Variants in PEMT observed in about 807,000 individuals in gnomAD.
PEMT encodes phosphatidylethanolamine N-methyltransferase.
In PEMT, 23 loss-of-function variants were observed where a neutral mutation model predicts 27.4. The ratio of observed to expected loss-of-function variants is 0.84; its 90% confidence interval spans 0.60 to 1.19. The LOEUF (loss-of-function observed/expected upper bound fraction) is 1.19. Ranked by LOEUF, PEMT falls within the 50% of genes most tolerant of loss-of-function variation. PEMT has a pLI of 0.00. For synonymous variants in PEMT, 137 were observed against 139.1 expected (o/e 0.98, Z 0.11); for missense variants, 307 against 310.1 (o/e 0.99, Z 0.07).
At chr17:17,573,066 G>A (rs12936632) in intron 2 of PEMT, among the ~76,000 whole-genome samples, 57,185 of 152,076 alleles carry the variant, frequency 0.38, 11,334 homozygotes, top group Middle Eastern at 0.47. Flanking sequence ...GTGCATGCCT[G>A]TAATCCCAGC....
intron 2 of PEMT, 83 bp from the exon 3 acceptor site, chr17:17,522,478 C>T: frequency 1.2e-6 from 1 of 861,510 alleles, no homozygotes; most frequent in Non-Finnish European, 1.9e-6. Flanking sequence ...CCTCTCTCTG[C>T]TTCCCAGGCT....
intron 3 of PEMT, among the ~76,000 whole-genome samples, chr17:17,515,344 T>C (rs759001612): frequency 6.6e-6 from 1 of 152,180 alleles, no homozygotes; most frequent in Non-Finnish European, 1.5e-5. Context: ...TGGAAGCAGA[T>C]TCCTGATGAA....
At chr17:17,524,831 T>C (rs747298422) in intron 2 of PEMT, among the ~76,000 whole-genome samples, 2 of 152,124 alleles carry the variant, frequency 1.3e-5, no homozygotes, top group Non-Finnish European at 2.9e-5. Context: ...CCTTTCCAGC[T>C]GGGCGTGGTG....
In PEMT at chr17:17,591,597, C is replaced by T; in HGVS notation, c.30G>A (p.Glu10=). The change falls in exon 1 of 7, where the codon GAG becomes GAA. Residue 10 remains glutamate, a synonymous_variant. Coordinates refer to ENST00000255389, the MANE Select transcript of PEMT (RefSeq NM_148172.3). The part of the protein sequence containing the change: MKRSGNPGA[E]VTNSSVAGPD... ...GCCCTGCCACCGAGCTGTTCGTTACCTCGGCTCCCGGGTTCCCAGATCTCT... is the reference window on the plus strand; with the variant it reads ...GCCCTGCCACCGAGCTGTTCGTTACTTCGGCTCCCGGGTTCCCAGATCTCT... 1.9e-6 allele frequency: 3 copies of T among 1,613,462 alleles called. No individual in the cohort carries two copies. Among genetic ancestry groups the T allele is most frequent in the East Asian group, 2.2e-5 (1 of 44,858 alleles).
chr17:17,505,832 T>G lies in PEMT; in HGVS notation c.670A>C (p.Ile224Leu). The part of the protein sequence containing the change: ...LLYEEPFTAE[I>L]YRQKASGSHK... Reference sequence around the variant, plus strand: ...GACCCGGAGGCTTTCTGCCGGTAGATCTCAGCGGTGAAGGGCCTGCCGGGC... The same window carrying G: ...GACCCGGAGGCTTTCTGCCGGTAGAGCTCAGCGGTGAAGGGCCTGCCGGGC... Residue 224 changes from isoleucine (I) to leucine (L), a missense_variant, in exon 7 of 7, where the codon ATC becomes CTC. Coordinates refer to ENST00000255389, the MANE Select transcript of PEMT (RefSeq NM_148172.3). 1 of 1,611,090 alleles carries G rather than the reference T, an allele frequency of 6.2e-7. No individual in the cohort carries two copies. Among genetic ancestry groups the G allele is most frequent in the Non-Finnish European group, 8.5e-7 (1 of 1,178,448 alleles).
intron 2 of PEMT, among the ~76,000 whole-genome samples, chr17:17,532,116 C>G (rs1278003024): frequency 6.6e-6 from 1 of 152,102 alleles, no homozygotes; most frequent in Non-Finnish European, 1.5e-5. Flanking sequence ...GGATGCCTTC[C>G]CCCTAAACTC....
At position 17,505,789 on chromosome 17, in the gene PEMT, A is replaced by T. The variant is rs1597861387; in HGVS notation, c.*2T>A. 2 of 1,609,444 alleles carry T rather than the reference A, an allele frequency of 1.2e-6. No homozygotes were observed. The highest frequency in any genetic ancestry group is 2.7e-5 in the African/African-American group (2 of 74,746). ...GCCTTCAGCAAAGCTGTTGCAGCTC[A>T]ATCAGCTCCTCTTGTGGGACCCGGA... On this transcript the variant is annotated 3_prime_UTR_variant, in exon 7 of 7. Transcript: ENST00000255389.
At chr17:17,568,294 C>T (rs781667919) in intron 2 of PEMT, among the ~76,000 whole-genome samples, 14 of 152,352 alleles carry the variant, frequency 9.2e-5, no homozygotes, top group Non-Finnish European at 1.3e-4. Context: ...CCAGCCCCCA[C>T]GACCCTGTCT....
rs559723667 is a variant in PEMT at position 17,573,108 on chromosome 17, G to C, written c.204+3812C>G. On this transcript the variant is annotated intron_variant, in intron 2 of 6. Transcript: ENST00000255389. ...GGAGGCTGAGGCAGGAGAACCACTT[G>C]AACCTGGGAGGTGGAGGTTGCAGTG... Among the ~76,000 whole-genome samples, 9 of 152,292 alleles carry C rather than the reference G, an allele frequency of 5.9e-5. No homozygotes were observed. In the South Asian group the frequency reaches 1.7e-3, roughly 28 times the overall value.
Position 17,550,706 on chromosome 17 carries a change from G to C in PEMT, c.204+26214C>G, listed in dbSNP as rs115044617. ...TCTAGTTCAAGGTCGCAGGTGGCTA[G>C]AGCCTCTCCCAGGGCACAAAGCCTG... On this transcript the variant is annotated intron_variant, in intron 2 of 6. Coordinates refer to ENST00000255389, the MANE Select transcript of PEMT (RefSeq NM_148172.3). Among the ~76,000 whole-genome samples, 503 of 152,332 alleles carry C rather than the reference G, an allele frequency of 3.3e-3. 5 individuals carry two copies. Among genetic ancestry groups the C allele is most frequent in the African/African-American group, 0.011 (468 of 41,568 alleles).
chr17:17,570,788 T>A (rs1238230063), intron 2 of PEMT: 5 of 985,340 alleles, frequency 5.1e-6, no homozygotes, highest in Non-Finnish European at 6.0e-6. Flanking sequence ...GGAGACTGGC[T>A]GCAAGCAGCT....
chr17:17,537,515 G>A lies in PEMT; in HGVS notation c.205-15120C>T, dbSNP rs114638289. Among the ~76,000 whole-genome samples the A allele has an allele frequency of 7.6e-3, 1,158 of 152,312 alleles. 9 individuals carry two copies. Among genetic ancestry groups the A allele is most frequent in the African/African-American group, 0.027 (1,104 of 41,570 alleles). ...CATCCCCGTGCCCAGCAGCCTGCAG[G>A]GGCCTTCCCCATGCTGGCCCAGGCC... On this transcript the variant is annotated intron_variant, in intron 2 of 6. Coordinates refer to ENST00000255389, the MANE Select transcript of PEMT (RefSeq NM_148172.3).
At chr17:17,580,497 A>G (rs1911909180) in intron 1 of PEMT, among the ~76,000 whole-genome samples, 1 of 152,066 alleles carries the variant, frequency 6.6e-6, no homozygotes, top group African/African-American at 2.4e-5. Context: ...CAAAAACAAA[A>G]AACACGCATC....
At chr17:17,581,827 G>T (rs780610264) in intron 1 of PEMT, among the ~76,000 whole-genome samples, 1 of 152,130 alleles carries the variant, frequency 6.6e-6, no homozygotes, top group Admixed American at 6.5e-5. Flanking sequence ...CACCTGCTTC[G>T]CTGGAAAGAA....
intron 4 of PEMT, among the ~76,000 whole-genome samples, chr17:17,510,915 C>T (rs890539437): frequency 3.9e-5 from 6 of 152,186 alleles, no homozygotes; most frequent in African/African-American, 4.8e-5. Flanking sequence ...TTGCACAGCC[C>T]GGAGTCCCCC....
intron 2 of PEMT, among the ~76,000 whole-genome samples, chr17:17,548,806 A>G (rs534479579): frequency 6.6e-6 from 1 of 152,282 alleles, no homozygotes; most frequent in South Asian, 2.1e-4. Flanking sequence ...CGGCCTCCCA[A>G]AGTGCTGGGA....
intron 2 of PEMT, among the ~76,000 whole-genome samples, chr17:17,528,870 G>A (rs983773523): frequency 9.9e-5 from 15 of 152,222 alleles, no homozygotes; most frequent in Admixed American, 5.2e-4. Flanking sequence ...GGCCGGCCCC[G>A]ATGGCCCAGG....
At chr17:17,559,728 G>T (rs948453735) in intron 2 of PEMT, among the ~76,000 whole-genome samples, 1 of 152,348 alleles carries the variant, frequency 6.6e-6, no homozygotes, top group African/African-American at 2.4e-5. Context: ...AGGGGAGCCC[G>T]AGAACAGGAT....
chr17:17,578,382 C>T (rs375878098), intron 1 of PEMT, among the ~76,000 whole-genome samples: 2 of 151,914 alleles, frequency 1.3e-5, no homozygotes, highest in East Asian at 3.9e-4. Context: ...GGGCGTAGTT[C>T]CAGTTACTTG....
Sources: allele counts gnomAD v4.1 joint callset (sites outside exome capture counted in the v4.1 genomes callset), GRCh38; gene constraint gnomAD v4.1.1; transcripts MANE v1.5; gene names NCBI Gene and HGNC (gene_info 2026-07-23, HGNC 2026-07-21).